Variants in PEAR1 observed in about 807,000 individuals in gnomAD.
The protein encoded by PEAR1 is platelet endothelial aggregation receptor 1.
Under a neutral mutation model 131.2 loss-of-function variants are expected in PEAR1, and 113 were observed. That is an observed-to-expected ratio of 0.86 (90% CI 0.74 to 1.01). The LOEUF is 1.01. Ranked by LOEUF, PEAR1 falls within the 50% of genes least tolerant of loss-of-function variation. The pLI is 0.00. For missense variants in PEAR1, 1,408 were observed against 1,391.1 expected (o/e 1.01, Z -0.19); for synonymous variants, 565 against 523.3 (o/e 1.08, Z -1.09).
intron 15 of PEAR1, among the ~76,000 whole-genome samples, chr1:156,911,930 AAAAAC>A (rs1250594622): frequency 6.6e-6 from 1 of 152,232 alleles, no homozygotes; most frequent in Non-Finnish European, 1.5e-5. Context: ...CTCTTATGTT[AAAAAC>A]AAAACAAAAA....
At chr1:156,911,039 T>TTCTTTC (rs1651018547) in intron 15 of PEAR1, among the ~76,000 whole-genome samples, 4 of 68,076 alleles carry the variant, frequency 5.9e-5, no homozygotes, top group Admixed American at 4.6e-4. Context: ...TGATTTCTTT[T>TTCTTTC]TCTTTCTTTC....
At position 156,913,541 on chromosome 1, in the gene PEAR1, AG is replaced by A; in HGVS notation, c.2644+21del. The A allele has an allele frequency of 6.2e-7, 1 of 1,611,144 alleles. No homozygotes were observed. The highest frequency in any genetic ancestry group is 2.2e-5 in the East Asian group (1 of 44,864). Reference sequence around the variant, plus strand: ...GGACAGGGGTAGGTGCCGGGAGGCCAGGGTCTCTGGCGCGGGTGGATGTGTG... The same window carrying A: ...GGACAGGGGTAGGTGCCGGGAGGCCAGGTCTCTGGCGCGGGTGGATGTGTG... On this transcript the variant is annotated intron_variant, in intron 20 of 22. Transcript: ENST00000292357.
At chr1:156,910,210 A>G (rs1281273643) in intron 13 of PEAR1, 24 bp from the exon 14 acceptor site, 2 of 1,610,322 alleles carry the variant, frequency 1.2e-6, no homozygotes, top group African/African-American at 2.7e-5. Context: ...CCAGCCAGGC[A>G]CACCCGACTG....
chr1:156,912,655 G>A, intron 17 of PEAR1, 33 bp downstream of exon 17: 2 of 1,609,948 alleles, frequency 1.2e-6, no homozygotes, highest in Non-Finnish European at 1.7e-6. Context: ...CCCACCCATT[G>A]TCCCCAGGGA....
rs371288705 is a variant in PEAR1 at position 156,906,906 on chromosome 1, T to C, written c.644+26T>C. On this transcript the variant is annotated intron_variant, in intron 6 of 22. Coordinates refer to ENST00000292357, the MANE Select transcript of PEAR1 (RefSeq NM_001080471.3). ...GTATGTAATGGGGGGAACGACACTT[T>C]AACAAGATCGCAGACACAAGGCCAC... is the stretch of plus-strand genomic sequence containing the variant. 3.0e-5 allele frequency: 48 copies of C among 1,607,086 alleles called. No homozygotes were observed. The African/African-American group carries it at 4.8e-4, about 16-fold the overall frequency.
intron 15 of PEAR1, 30 bp downstream of exon 15, chr1:156,910,773 C>T (rs748597788): frequency 3.6e-5 from 58 of 1,612,502 alleles, no homozygotes; most frequent in Non-Finnish European, 4.8e-5. Flanking sequence ...TCTGAGCATA[C>T]GTGCATGCTG....
chr1:156,895,164 G>T lies in PEAR1; in HGVS notation c.-10+1327G>T, dbSNP rs145435581. Among the ~76,000 whole-genome samples, 58 of 152,310 alleles carry T rather than the reference G, an allele frequency of 3.8e-4. No individual in the cohort carries two copies. In the Middle Eastern group the frequency reaches 0.014, roughly 36 times the overall value. On this transcript the variant is annotated intron_variant, in intron 1 of 22. Transcript: ENST00000292357. ...TCTGCCTTCCTCTCTCTCCACTGGA[G>T]GATGAAGCTGAGAGTTGGCATCTGT... is the stretch of plus-strand genomic sequence containing the variant.
At chr1:156,906,465 C>T in intron 5 of PEAR1, 97 bp downstream of exon 5, 1 of 1,543,590 alleles carries the variant, frequency 6.5e-7, no homozygotes, top group Non-Finnish European at 8.9e-7. Context: ...GGGCTTAGGA[C>T]CCCAGGGCGA....
chr1:156,905,384 G>A lies in PEAR1; in HGVS notation c.267G>A (p.Gln89=). ...AGACGGACCACCGCCAGCGCCTGCA[G>A]TGCTGCCATGGCTTCTATGAGAGCA... ...VVKTDHRQRL[Q]CCHGFYESRG... is the part of the protein sequence containing the mutation. Residue 89 remains glutamine, a synonymous_variant, in exon 4 of 23, where the codon CAG becomes CAA. Transcript: ENST00000292357. The A allele has an allele frequency of 1.2e-6, 2 of 1,610,478 alleles. No individual in the cohort carries two copies. Among genetic ancestry groups the A allele is most frequent in the Non-Finnish European group, 8.5e-7 (1 of 1,178,290 alleles).
intron 6 of PEAR1, 58 bp from the exon 7 acceptor site, chr1:156,907,547 GAGGCA>G: frequency 1.3e-6 from 2 of 1,559,374 alleles, no homozygotes; most frequent in Non-Finnish European, 1.7e-6. Context: ...GCAGTCCTTG[GAGGCA>G]AGAGAGGAAG....
chr1:156,903,806 C>G (rs1050150728), intron 1 of PEAR1, 112 bp from the exon 2 acceptor site: 101 of 823,752 alleles, frequency 1.2e-4, no homozygotes, highest in Admixed American at 3.8e-5. Flanking sequence ...CCAGAGGACA[C>G]GGGGCCGCAG....
At chr1:156,910,956 T>A (rs933521988) in intron 15 of PEAR1, among the ~76,000 whole-genome samples, 1 of 152,210 alleles carries the variant, frequency 6.6e-6, no homozygotes, top group Admixed American at 6.5e-5. Flanking sequence ...CCCTTCTGCA[T>A]GGGAAGCCTG....
rs369608309 is a variant in PEAR1, at chr1:156,913,700, C to T, written c.2653C>T (p.Arg885Cys). 39 of 1,613,754 alleles carry T rather than the reference C, an allele frequency of 2.4e-5. No homozygotes were observed. Among genetic ancestry groups the T allele is most frequent in the African/African-American group, 9.3e-5 (7 of 74,932 alleles). The change falls in exon 21 of 23, where the codon CGC (arginine) becomes TGC (cysteine). Residue 885 changes from arginine to cysteine, a missense_variant. By Grantham distance (180) the Arg-to-Cys change is radical. Coordinates refer to ENST00000292357, the MANE Select transcript of PEAR1 (RefSeq NM_001080471.3). The part of the protein sequence containing the change: ...PPGPLDRGSS[R>C]LDRSYSYSYS... ...TGCCTCCTCCTCCTCAGGGAGCAGC[C>T]GCCTGGACCGAAGCTACAGCTATAG...
intron 5 of PEAR1, 100 bp downstream of exon 5, chr1:156,906,468 C>T (rs6664770): frequency 0.14 from 217,488 of 1,538,176 alleles, 19,772 homozygotes; most frequent in East Asian, 0.43. Context: ...CTTAGGACCC[C>T]AGGGCGATTA....
intron 3 of PEAR1, 84 bp from the exon 4 acceptor site, chr1:156,905,240 C>A: frequency 7.1e-7 from 1 of 1,403,394 alleles, no homozygotes; most frequent in Non-Finnish European, 9.8e-7. Context: ...TTGAGTGGTG[C>A]CCCTTCCCTG....
chr1:156,912,967 G>C lies in PEAR1; in HGVS notation c.2407G>C (p.Glu803Gln), dbSNP rs542044189. The change falls in exon 18 of 23, where the codon GAG becomes CAG. Residue 803 changes from glutamate (E) to glutamine (Q), a missense_variant. Physicochemically the swap from Glu to Gln is conservative, Grantham distance 29. Transcript: ENST00000292357. ...AYSSGRLDGSEYVMPDVPPSY... is the reference protein window; with the variant it reads ...AYSSGRLDGSQYVMPDVPPSY... ...CAGCAGCGGGCGCCTGGACGGCTCCGAGTATGTCATGCCAGGTGAGCTGGC... is the reference window on the plus strand; with the variant it reads ...CAGCAGCGGGCGCCTGGACGGCTCCCAGTATGTCATGCCAGGTGAGCTGGC... The C allele has an allele frequency of 2.5e-6, 4 of 1,614,096 alleles. No individual in the cohort carries two copies. The highest frequency in any genetic ancestry group is 1.3e-5 in the African/African-American group (1 of 75,038).
chr1:156,906,539 C>G, intron 5 of PEAR1, 98 bp from the exon 6 acceptor site: 6 of 1,565,418 alleles, frequency 3.8e-6, no homozygotes, highest in Non-Finnish European at 4.3e-6. Context: ...CAGGGTGGGC[C>G]TGTGGGGGCT....
At position 156,911,165 on chromosome 1, in the gene PEAR1, T is replaced by TC. The variant is rs1258763684; in HGVS notation, c.1951+423dup. The stretch of plus-strand genomic sequence containing the variant: ...TTTTCTTTCTTTCTTTTTCTTTCTT[T>TC]CTTTCCTTTCTTTTCTTTCTTCTTT... On this transcript the variant is annotated intron_variant, in intron 15 of 22. Transcript: ENST00000292357. 2.3e-4 allele frequency among the ~76,000 whole-genome samples: 32 copies of TC among 141,068 alleles called. 1 individual carries two copies. The highest frequency in any genetic ancestry group is 8.2e-4 in the African/African-American group (30 of 36,428). 92.5% of individuals were successfully genotyped at this position (141,068 alleles called of 152,430 possible).
intron 1 of PEAR1, among the ~76,000 whole-genome samples, chr1:156,898,877 G>GAGGC (rs1385021211): frequency 6.6e-6 from 1 of 152,232 alleles, no homozygotes; most frequent in Non-Finnish European, 1.5e-5. Flanking sequence ...CGGAAAAAGA[G>GAGGC]AGGCAGGAAG....
Sources: allele counts gnomAD v4.1 joint callset (sites outside exome capture counted in the v4.1 genomes callset), GRCh38; gene constraint gnomAD v4.1.1; transcripts MANE v1.5; gene names NCBI Gene and HGNC (gene_info 2026-07-23, HGNC 2026-07-21).